Variants in AGTPBP1 observed in about 807,000 individuals in gnomAD.
The protein encoded by AGTPBP1 is cytosolic carboxypeptidase 1.
In AGTPBP1, 70 loss-of-function variants were observed where a neutral mutation model predicts 143.9. The ratio of observed to expected loss-of-function variants is 0.49; its 90% confidence interval spans 0.40 to 0.59. The LOEUF (loss-of-function observed/expected upper bound fraction) is 0.59, where lower values mean the gene tolerates loss of function less well. Among genes scored for constraint, AGTPBP1 ranks in the 20% least tolerant of loss-of-function variants. The pLI is 0.00. For missense variants in AGTPBP1, 1,229 were observed against 1,464.5 expected (o/e 0.84, Z 2.62); for synonymous variants, 463 against 500.2 (o/e 0.93, Z 0.99).
At chr9:85,548,299 G>A (rs1825838823) in intron 25 of AGTPBP1, among the ~76,000 whole-genome samples, 1 of 152,218 alleles carries the variant, frequency 6.6e-6, no homozygotes, top group Admixed American at 6.5e-5. Flanking sequence ...GGAAGTTAAG[G>A]TGGGATGGGA....
intron 13 of AGTPBP1, among the ~76,000 whole-genome samples, chr9:85,636,259 CTTTTTTTT>C (rs35445993): frequency 8.4e-6 from 1 of 118,544 alleles, no homozygotes; most frequent in Non-Finnish European, 1.8e-5. Flanking sequence ...TGTAAGGTTT[CTTTTTTTT>C]TTTTTTTTTT....
rs370723366 is a variant in AGTPBP1 at position 85,642,882 on chromosome 9, A to G, written c.1247T>C (p.Ile416Thr). The change falls in exon 13 of 26, where the codon ATA becomes ACA. Residue 416 changes from isoleucine (I) to threonine (T), a missense_variant. This residue lies in a region of AGTPBP1 where 743 missense variants were observed against 812.2 expected (regional missense o/e 0.91). Transcript: ENST00000357081. ...GTGTTCATACATTTTTAGATCTTCT[A>G]TTGTTCGTCCCGGTTCTTGCTGGGG... ...LKPQQEPGRT[I>T]EDLKMYEHLF... is the part of the protein sequence containing the mutation. 101 of 1,613,370 alleles carry G rather than the reference A, an allele frequency of 6.3e-5. No homozygotes were observed. The highest frequency in any genetic ancestry group is 7.9e-5 in the Non-Finnish European group (93 of 1,179,828).
At chr9:85,583,554 A>G (rs12345398) in intron 23 of AGTPBP1, among the ~76,000 whole-genome samples, 2,819 of 152,316 alleles carry the variant, frequency 0.019, 99 homozygotes, top group African/African-American at 0.064. Flanking sequence ...TTAAAGCATC[A>G]TCTTACATTT....
the AGTPBP1 span, chr9:85,791,375 A>T: frequency 3.0e-5 from 4 of 131,526 alleles, no homozygotes; most frequent in African/African-American, 1.6e-4. Context: ...CTCCGTCTCA[A>T]AAAAAAAAAA....
rs12685365 is a variant in AGTPBP1 at position 85,668,275 on chromosome 9, C to G, written c.662+1210G>C. 2.6e-5 allele frequency among the ~76,000 whole-genome samples: 4 copies of G among 151,538 alleles called. No homozygotes were observed. In the East Asian group the frequency reaches 7.7e-4, roughly 29 times the overall value. Reference sequence around the variant, plus strand: ...TTGTTTGGATTCTGATTCAAACAAACCAACTAAAAAGGGGCTATTTTGAGA... The same window carrying G: ...TTGTTTGGATTCTGATTCAAACAAAGCAACTAAAAAGGGGCTATTTTGAGA... On this transcript the variant is annotated intron_variant, in intron 8 of 25. Transcript: ENST00000357081.
intron 11 of AGTPBP1, among the ~76,000 whole-genome samples, chr9:85,650,270 G>C (rs2133890173): frequency 6.6e-6 from 1 of 152,078 alleles, no homozygotes. Context: ...AAAAATGTAA[G>C]TTTGAACTGT....
rs1244743389 is a variant in AGTPBP1 at position 85,657,581 on chromosome 9, C to A, written c.763G>T (p.Asp255Tyr). Residue 255 changes from aspartate (D) to tyrosine (Y), a missense_variant, in exon 10 of 26, where the codon GAT becomes TAT. This residue lies in a region of AGTPBP1 where 743 missense variants were observed against 812.2 expected (regional missense o/e 0.91). Transcript: ENST00000357081. Reference sequence around the variant, plus strand: ...TGCCGGTTATCATGGCGGTGCCAATCTACATAAATTGTTAAAAGCACTTGG... The same window carrying A: ...TGCCGGTTATCATGGCGGTGCCAATATACATAAATTGTTAAAAGCACTTGG... Reference protein sequence around the residue: ...YVQVLLTIYVDWHRHDNRHRN... With the variant: ...YVQVLLTIYVYWHRHDNRHRN... The A allele has an allele frequency of 6.2e-7, 1 of 1,614,048 alleles. No homozygotes were observed. Among genetic ancestry groups the A allele is most frequent in the Admixed American group, 1.7e-5 (1 of 60,012 alleles).
intron 17 of AGTPBP1, among the ~76,000 whole-genome samples, chr9:85,615,372 T>A (rs1231224629): frequency 2.6e-5 from 4 of 152,116 alleles, no homozygotes; most frequent in African/African-American, 9.6e-5. Flanking sequence ...ATTAAGGGTA[T>A]CTACTGCAAG....
Position 85,560,893 on chromosome 9 carries a change from T to C in AGTPBP1, c.3504-13607A>G, listed in dbSNP as rs559385530. On this transcript the variant is annotated intron_variant, in intron 25 of 25. Transcript: ENST00000357081. ...AATGGAGTCCCAGAAGGAGAGATAA[T>C]GAAGGCAGGAACAATGTTTGAAGAG... Among the ~76,000 whole-genome samples, 14 of 152,136 alleles carry C rather than the reference T, an allele frequency of 9.2e-5. 1 individual carries two copies. In the South Asian group the frequency reaches 1.4e-3, roughly 16 times the overall value.
the AGTPBP1 span, chr9:85,764,761 A>T: frequency 7.6e-7 from 1 of 1,309,344 alleles, no homozygotes; most frequent in African/African-American, 1.5e-5. Flanking sequence ...TAATGGAACA[A>T]GACTTCTCTG....
At chr9:85,586,105 T>G (rs1828586216) in intron 22 of AGTPBP1, among the ~76,000 whole-genome samples, 1 of 151,110 alleles carries the variant, frequency 6.6e-6, no homozygotes, top group Non-Finnish European at 1.5e-5. Flanking sequence ...TCCAGCTACT[T>G]GGGAGGCTGA....
upstream of AGTPBP1, among the ~76,000 whole-genome samples, chr9:85,742,396 G>T (rs1824419021): frequency 6.6e-6 from 1 of 151,764 alleles, no homozygotes; most frequent in African/African-American, 2.4e-5. Flanking sequence ...TCTTAGGAAG[G>T]GTTCTTAAAG....
At chr9:85,699,286 A>G (rs1043728910) in intron 2 of AGTPBP1, among the ~76,000 whole-genome samples, 1 of 152,164 alleles carries the variant, frequency 6.6e-6, no homozygotes, top group Admixed American at 6.5e-5. Flanking sequence ...ATCCAGCCCA[A>G]ATAAATATTT....
At chr9:85,777,848 A>C in the AGTPBP1 span, among the ~76,000 whole-genome samples, 1 of 152,210 alleles carries the variant, frequency 6.6e-6, no homozygotes, top group Non-Finnish European at 1.5e-5. Context: ...CAAAGTGCAC[A>C]ACCAGGTGCA....
chr9:85,802,614 T>C, the AGTPBP1 span, among the ~76,000 whole-genome samples: 1 of 152,264 alleles, frequency 6.6e-6, no homozygotes, highest in Non-Finnish European at 1.5e-5. Flanking sequence ...CGTTAAGGAC[T>C]ACATTACCTA....
At chr9:85,732,482 G>A (rs1258530789) in intron 1 of AGTPBP1, among the ~76,000 whole-genome samples, 1 of 151,852 alleles carries the variant, frequency 6.6e-6, no homozygotes, top group East Asian at 1.9e-4. Context: ...TTTTTTTGAA[G>A]AAACCACTTT....
At chr9:85,660,241 T>C (rs988038739) in intron 9 of AGTPBP1, among the ~76,000 whole-genome samples, 1 of 152,044 alleles carries the variant, frequency 6.6e-6, no homozygotes, top group Non-Finnish European at 1.5e-5. Context: ...CCAACACAGA[T>C]TGTGAAGACC....
At chr9:85,596,325 T>C in intron 18 of AGTPBP1, 37 bp downstream of exon 18, 1 of 1,423,728 alleles carries the variant, frequency 7.0e-7, no homozygotes, top group Non-Finnish European at 9.7e-7. Flanking sequence ...CTGCCTTCTG[T>C]AAGCTGACAT....
chr9:85,647,041 G>A (rs62569173), intron 11 of AGTPBP1, among the ~76,000 whole-genome samples: 2,551 of 152,256 alleles, frequency 0.017, 25 homozygotes, highest in Middle Eastern at 0.054. Context: ...ACTTTGGGAG[G>A]CCAAGGCAGG....
Sources: gnomAD v4.1 joint callset for allele counts (sites outside exome capture counted in the v4.1 genomes callset) on GRCh38, gnomAD v4.1.1 for gene constraint, gnomAD v4.1.1 regional missense constraint, MANE v1.5 for transcripts, NCBI Gene and HGNC (gene_info 2026-07-23, HGNC 2026-07-21) for gene names.